LRFN2: variants seen among roughly 807,000 people sequenced by gnomAD.
LRFN2 encodes the protein leucine-rich repeat and fibronectin type-III domain-containing protein 2.
A neutral mutation model predicts 37.3 loss-of-function variants in LRFN2; 18 were observed. That is an observed-to-expected ratio of 0.48 (90% CI 0.33 to 0.72). The LOEUF (loss-of-function observed/expected upper bound fraction) is 0.72, where lower values mean the gene tolerates loss of function less well. LRFN2 is among the 30% of genes least tolerant of loss of function. LRFN2 has a pLI of 0.02. For missense variants in LRFN2, 1,006 were observed against 1,060.7 expected, an observed-to-expected ratio of 0.95 and a Z score of 0.72; for synonymous variants, 556 against 466.6, an observed-to-expected ratio of 1.19 and a Z score of -2.47.
intron 1 of LRFN2, among the ~76,000 whole-genome samples, chr6:40,564,682 T>C (rs1161598685): frequency 1.3e-5 from 2 of 152,176 alleles, no homozygotes; most frequent in African/African-American, 4.8e-5. Flanking sequence ...ACAATGTAAT[T>C]AGAGTGATCT....
intron 1 of LRFN2, among the ~76,000 whole-genome samples, chr6:40,510,708 C>G (rs1039533189): frequency 6.6e-6 from 1 of 152,190 alleles, no homozygotes; most frequent in Non-Finnish European, 1.5e-5. Flanking sequence ...CCAGAGGAAA[C>G]GAAAGCAGGG....
intron 1 of LRFN2, among the ~76,000 whole-genome samples, chr6:40,574,715 G>A (rs1048762172): frequency 3.3e-5 from 5 of 152,210 alleles, no homozygotes; most frequent in Non-Finnish European, 5.9e-5. Context: ...GCTCCGGAGA[G>A]AGAGCAGGGC....
rs1208261407 is a variant in LRFN2, at chr6:40,391,669, A to G, written c.*274T>C. On this transcript the variant is annotated 3_prime_UTR_variant, in exon 3 of 3. Coordinates refer to ENST00000338305, the MANE Select transcript of LRFN2 (RefSeq NM_020737.3). The stretch of plus-strand genomic sequence containing the variant: ...CCAAAGCCGCTTGCTTGTAGGCTAC[A>G]TTTGTGATTAGAAAGGCGGAGTCTC... 1.1e-5 allele frequency: 4 copies of G among 358,720 alleles called. No homozygotes were observed. The highest frequency in any genetic ancestry group is 8.8e-5 in the East Asian group (2 of 22,678). 22.2% of individuals were successfully genotyped at this position (358,720 alleles called of 1,614,324 possible). A position where few individuals can be genotyped will look rare whatever the true frequency, so the allele number is the denominator to read the frequency against.
intron 1 of LRFN2, among the ~76,000 whole-genome samples, chr6:40,523,142 G>T (rs916797169): frequency 3.9e-5 from 6 of 152,314 alleles, no homozygotes; most frequent in African/African-American, 1.4e-4. Context: ...GAAGCCCAGA[G>T]GAACAACAGA....
intron 1 of LRFN2, among the ~76,000 whole-genome samples, chr6:40,465,002 G>A (rs1764426943): frequency 6.6e-6 from 1 of 152,134 alleles, no homozygotes; most frequent in Non-Finnish European, 1.5e-5. Flanking sequence ...TTGCTAATCA[G>A]CAGACTGTAA....
At chr6:40,416,550 G>A (rs1003602835) in intron 2 of LRFN2, among the ~76,000 whole-genome samples, 3 of 152,140 alleles carry the variant, frequency 2.0e-5, no homozygotes, top group Non-Finnish European at 4.4e-5. Context: ...GCAAGCATGA[G>A]CCCCATTTTA....
chr6:40,528,771 G>A (rs1766299887), intron 1 of LRFN2, among the ~76,000 whole-genome samples: 1 of 152,034 alleles, frequency 6.6e-6, no homozygotes, highest in Non-Finnish European at 1.5e-5. Flanking sequence ...ATCCTAAGTT[G>A]GGGACTGTCT....
chr6:40,462,898 C>G lies in LRFN2; in HGVS notation c.-18-29767G>C, dbSNP rs543434178. Among the ~76,000 whole-genome samples the G allele has an allele frequency of 7.9e-5, 12 of 152,218 alleles. No individual in the cohort carries two copies. In the South Asian group the frequency reaches 2.5e-3, roughly 32 times the overall value. On this transcript the variant is annotated intron_variant, in intron 1 of 2. Coordinates refer to ENST00000338305, the MANE Select transcript of LRFN2 (RefSeq NM_020737.3). ...GAATTGTGGTTGGGGAGATGGCTTC[C>G]AGAAAAAAGACATTATTTCCCAGCC... is the stretch of plus-strand genomic sequence containing the variant.
chr6:40,458,697 A>G (rs2113848376), intron 1 of LRFN2, among the ~76,000 whole-genome samples: 1 of 152,372 alleles, frequency 6.6e-6, no homozygotes, highest in South Asian at 2.1e-4. Context: ...GAAAGTGTGC[A>G]GCAGTGATGA....
At chr6:40,508,219 T>G (rs1765598430) in intron 1 of LRFN2, among the ~76,000 whole-genome samples, 2 of 152,236 alleles carry the variant, frequency 1.3e-5, no homozygotes, top group Non-Finnish European at 2.9e-5. Context: ...TCTACAAATT[T>G]TAATAGCTCT....
At chr6:40,462,839 C>T (rs1267637456) in intron 1 of LRFN2, among the ~76,000 whole-genome samples, 1 of 152,176 alleles carries the variant, frequency 6.6e-6, no homozygotes, top group Non-Finnish European at 1.5e-5. Context: ...AGACCAGTTG[C>T]TTCCAGGGCC....
intron 1 of LRFN2, among the ~76,000 whole-genome samples, chr6:40,485,267 C>G (rs947357892): frequency 3.3e-5 from 5 of 152,154 alleles, no homozygotes; most frequent in African/African-American, 4.8e-5. Context: ...TCCCCCTTCT[C>G]CCGGGCATCG....
At position 40,432,307 on chromosome 6, in the gene LRFN2, C is replaced by A. The variant is rs1763518385; in HGVS notation, c.807G>T (p.Gly269=). Residue 269 remains glycine (G), a synonymous_variant, in exon 2 of 3, where the codon GGG becomes GGT. Coordinates refer to ENST00000338305, the MANE Select transcript of LRFN2 (RefSeq NM_020737.3). Reference sequence around the variant, plus strand: ...GCCAGAAGTAGCGACCCTTGAGGCCCCCTGGGGAGCCACAGGTTTCCAGGT... The same window carrying A: ...GCCAGAAGTAGCGACCCTTGAGGCCACCTGGGGAGCCACAGGTTTCCAGGT... ...DDDLETCGSP[G]GLKGRYFWHV... 6.2e-7 allele frequency: 1 copy of A among 1,614,124 alleles called. No homozygotes were observed. Among genetic ancestry groups the A allele is most frequent in the East Asian group, 2.2e-5 (1 of 44,870 alleles).
chr6:40,501,462 G>A (rs927807594), intron 1 of LRFN2, among the ~76,000 whole-genome samples: 1 of 151,396 alleles, frequency 6.6e-6, no homozygotes, highest in Non-Finnish European at 1.5e-5. Context: ...GGGACTACAG[G>A]TGCCCATCAC....
At position 40,428,113 on chromosome 6, in the gene LRFN2, G is replaced by A. The variant is rs568039781; in HGVS notation, c.1400+3601C>T. Reference sequence around the variant, plus strand: ...GGGTTTGTGAGAACTAAATGAGTTAGTGCACATAGGACCCTTAGAATAGTG... The same window carrying A: ...GGGTTTGTGAGAACTAAATGAGTTAATGCACATAGGACCCTTAGAATAGTG... On this transcript the variant is annotated intron_variant, in intron 2 of 2. Transcript: ENST00000338305. 2.0e-5 allele frequency among the ~76,000 whole-genome samples: 3 copies of A among 152,344 alleles called. No homozygotes were observed. The East Asian group carries it at 5.8e-4, about 29-fold the overall frequency.
At chr6:40,504,438 C>T (rs9349157) in intron 1 of LRFN2, among the ~76,000 whole-genome samples, 49,553 of 152,034 alleles carry the variant, frequency 0.33, 9,289 homozygotes, top group East Asian at 0.5. Context: ...AACCAATCCT[C>T]CGGTCACAAC....
intron 1 of LRFN2, among the ~76,000 whole-genome samples, chr6:40,510,694 C>T (rs1057020294): frequency 1.3e-5 from 2 of 152,218 alleles, no homozygotes; most frequent in Non-Finnish European, 1.5e-5. Flanking sequence ...GGCTGGACAA[C>T]ATGCCAGAGG....
At chr6:40,465,437 C>T (rs939171435) in intron 1 of LRFN2, among the ~76,000 whole-genome samples, 6 of 152,204 alleles carry the variant, frequency 3.9e-5, no homozygotes, top group Non-Finnish European at 8.8e-5. Context: ...CAGTGACTTG[C>T]TTATGAGCAG....
chr6:40,445,122 T>A (rs970101053), intron 1 of LRFN2, among the ~76,000 whole-genome samples: 1 of 152,214 alleles, frequency 6.6e-6, no homozygotes, highest in Non-Finnish European at 1.5e-5. Context: ...AAGAGCTGGA[T>A]GGGACATCTT....
Sources: allele counts gnomAD v4.1 joint callset (sites outside exome capture counted in the v4.1 genomes callset), GRCh38; gene constraint gnomAD v4.1.1; transcripts MANE v1.5; gene names NCBI Gene and HGNC (gene_info 2026-07-23, HGNC 2026-07-21).